TTC38: variants seen among roughly 807,000 people sequenced by gnomAD.
TTC38 encodes tetratricopeptide repeat domain 38.
Under a neutral mutation model 64.2 loss-of-function variants are expected in TTC38, and 64 were observed. The observed-to-expected ratio is 1.00, with a 90% confidence interval of 0.81 to 1.23. TTC38 has a LOEUF of 1.23. Ranked by LOEUF, TTC38 falls within the 50% of genes most tolerant of loss-of-function variation. The pLI, the probability that TTC38 is intolerant of heterozygous loss-of-function variation, is 0.00. For missense variants in TTC38, 573 were observed against 615.5 expected (o/e 0.93, Z 0.73); for synonymous variants, 254 against 249.3 (o/e 1.02, Z -0.18).
Position 46,292,228 on chromosome 22 carries a change from G to T in TTC38, c.1317-563G>T, listed in dbSNP as rs1327805766. On this transcript the variant is annotated intron_variant, in intron 13 of 13. Coordinates refer to ENST00000381031, the MANE Select transcript of TTC38 (RefSeq NM_017931.4). The surrounding 1 kb of genome is among the most constrained non-coding windows in gnomAD (Gnocchi z 6.5). ...AGGCAAGGTCTCACTCGGTCATCCA[G>T]GTTGGAATGCAGTGGTGTGATCACA... 1.3e-5 allele frequency: 6 copies of T among 447,822 alleles called. No individual in the cohort carries two copies. In the Admixed American group the frequency reaches 1.4e-4, roughly 11 times the overall value. 27.7% of individuals were successfully genotyped at this position (447,822 alleles called of 1,614,324 possible). A position where few individuals can be genotyped will look rare whatever the true frequency, so the allele number is the denominator to read the frequency against.
At chr22:46,283,811 CACT>C (rs2077551514) in intron 7 of TTC38, among the ~76,000 whole-genome samples, 159 bp from the exon 8 acceptor site, 1 of 127,284 alleles carries the variant, frequency 7.9e-6, no homozygotes, top group African/African-American at 3.1e-5. Context: ...AAGATCGTGT[CACT>C]ACACTCCAGC....
At position 46,293,928 on chromosome 22, in the gene TTC38, C is replaced by T. The variant is rs1786990170; in HGVS notation, c.*1044C>T. ...AGGCCTCTCAGAAGGGAGAGGAGGC[C>T]TCCAAATCTATTGAGTCCCCACAGT... On this transcript the variant is annotated 3_prime_UTR_variant, in exon 14 of 14. Coordinates refer to ENST00000381031, the MANE Select transcript of TTC38 (RefSeq NM_017931.4). The surrounding 1 kb of genome is among the most constrained non-coding windows in gnomAD (Gnocchi z 6.6). 3 of 152,240 alleles carry T rather than the reference C, an allele frequency of 2.0e-5. No individual in the cohort carries two copies. Among genetic ancestry groups the T allele is most frequent in the Non-Finnish European group, 4.4e-5 (3 of 68,046 alleles). The allele number at this position is 152,240 out of a possible 1,614,324, so 9.4% of individuals were successfully genotyped here.
intron 7 of TTC38, 22 bp from the exon 8 acceptor site, chr22:46,283,951 C>T (rs1334516633): frequency 1.4e-6 from 2 of 1,451,732 alleles, no homozygotes; most frequent in Non-Finnish European, 1.8e-6. Context: ...TTCATAAATT[C>T]TCTTTTTTTT....
At chr22:46,290,162 C>T (rs2077603096) in intron 13 of TTC38, among the ~76,000 whole-genome samples, 1 of 150,448 alleles carries the variant, frequency 6.6e-6, no homozygotes, top group African/African-American at 2.4e-5. Context: ...GGTACGTAAA[C>T]ACGTCCTGCT....
chr22:46,284,729 A>C lies in TTC38; in HGVS notation c.796-512A>C, dbSNP rs185969821. On this transcript the variant is annotated intron_variant, in intron 8 of 13. Transcript: ENST00000381031. ...CCCCATCTCTACTAAAAATACAAAAATTAGCCGGGCATGGTGGCGCCTCCC... is the reference window on the plus strand; with the variant it reads ...CCCCATCTCTACTAAAAATACAAAACTTAGCCGGGCATGGTGGCGCCTCCC... 1.6e-3 allele frequency among the ~76,000 whole-genome samples: 246 copies of C among 152,074 alleles called. 7 individuals carry two copies. The East Asian group carries it at 0.042, about 26-fold the overall frequency.
chr22:46,288,621 C>A, intron 11 of TTC38, 33 bp downstream of exon 11: 1 of 1,605,038 alleles, frequency 6.2e-7, no homozygotes, highest in Non-Finnish European at 8.5e-7. Context: ...GGTGGGGGTC[C>A]TCACCCTGCC....
At chr22:46,284,576 A>G (rs1601880306) in intron 8 of TTC38, among the ~76,000 whole-genome samples, 1 of 152,174 alleles carries the variant, frequency 6.6e-6, no homozygotes, top group African/African-American at 2.4e-5. Flanking sequence ...GAGAGGAAAC[A>G]TATGCAGAAA....
Position 46,271,302 on chromosome 22 carries a change from G to A in TTC38, c.112-1033G>A, listed in dbSNP as rs909064990. Among the ~76,000 whole-genome samples the A allele has an allele frequency of 2.0e-5, 3 of 149,492 alleles. No homozygotes were observed. The highest frequency in any genetic ancestry group is 2.0e-4 in the East Asian group (1 of 5,016). ...GTCGCCCAGGCTGGAGTGCAGTGGC[G>A]CCTGGGTTCACGCCATTCTCCTGCC... On this transcript the variant is annotated intron_variant, in intron 2 of 13. Coordinates refer to ENST00000381031, the MANE Select transcript of TTC38 (RefSeq NM_017931.4). The surrounding 1 kb of genome is among the most constrained non-coding windows in gnomAD (Gnocchi z 5.5).
At chr22:46,278,508 T>C (rs961837272) in intron 5 of TTC38, 78 bp from the exon 6 acceptor site, 16 of 1,229,036 alleles carry the variant, frequency 1.3e-5, no homozygotes, top group Middle Eastern at 1.9e-4. Flanking sequence ...AGGACCTCAG[T>C]GTATCTTTGC....
chr22:46,281,883 C>T lies in TTC38; in HGVS notation c.735+165C>T. 1.1e-6 allele frequency: 1 copy of T among 930,182 alleles called. No homozygotes were observed. The highest frequency in any genetic ancestry group is 1.7e-6 in the Non-Finnish European group (1 of 598,490). 57.6% of individuals were successfully genotyped at this position (930,182 alleles called of 1,614,324 possible). A position where few individuals can be genotyped will look rare whatever the true frequency, so the allele number is the denominator to read the frequency against. On this transcript the variant is annotated intron_variant, in intron 7 of 13. Coordinates refer to ENST00000381031, the MANE Select transcript of TTC38 (RefSeq NM_017931.4). This position sits in a 1 kb window ranked among gnomAD's most constrained non-coding sequence, Gnocchi z 5.2. ...AGGTGTTTGGCTGCTGAGCAGAATG[C>T]AATCAAGATTCCAGTCCCCACCCCA...
At chr22:46,278,111 A>G (rs1228878086) in intron 5 of TTC38, among the ~76,000 whole-genome samples, 1 of 152,206 alleles carries the variant, frequency 6.6e-6, no homozygotes. Flanking sequence ...AGGTTGCATC[A>G]GTCTCCTGCG....
intron 9 of TTC38, 110 bp from the exon 10 acceptor site, chr22:46,286,963 G>A: frequency 1.3e-6 from 1 of 767,392 alleles, no homozygotes; most frequent in Non-Finnish European, 2.1e-6. Context: ...GTGGCAGAGG[G>A]CTTGCTCTAT....
rs2077493806 is a variant in TTC38, at chr22:46,276,848, T to C, written c.539+1427T>C. On this transcript the variant is annotated intron_variant, in intron 5 of 13. Transcript: ENST00000381031. The surrounding 1 kb of genome is among the most constrained non-coding windows in gnomAD (Gnocchi z 4.7). Reference sequence around the variant, plus strand: ...AAATATATATATATATATAAACATATATATATATAAAAAATACTTTCACCG... The same window carrying C: ...AAATATATATATATATATAAACATACATATATATAAAAAATACTTTCACCG... Among the ~76,000 whole-genome samples the C allele has an allele frequency of 7.0e-6, 1 of 141,984 alleles. No homozygotes were observed. 93.1% of individuals were successfully genotyped at this position (141,984 alleles called of 152,430 possible).
Position 46,292,797 on chromosome 22 carries a change from T to C in TTC38, c.1323T>C (p.Leu441=). Residue 441 remains leucine, a synonymous_variant, in exon 14 of 14, where the codon CTT becomes CTC. Coordinates refer to ENST00000381031, the MANE Select transcript of TTC38 (RefSeq NM_017931.4). This position sits in a 1 kb window ranked among gnomAD's most constrained non-coding sequence, Gnocchi z 6.5. The part of the protein sequence containing the change: ...SSVHKNVARS[L]LMERDALKPN... ...TCTGTGTCTGTTTCCACAGGAGCCT[T>C]CTGATGGAGCGTGATGCCTTGAAGC... The C allele has an allele frequency of 1.2e-6, 2 of 1,613,776 alleles. No homozygotes were observed. Among genetic ancestry groups the C allele is most frequent in the Non-Finnish European group, 8.5e-7 (1 of 1,179,718 alleles).
rs2077536808 is a variant in TTC38 at position 46,281,723 on chromosome 22, G to A, written c.735+5G>A. On this transcript the variant is annotated splice_donor_5th_base_variant and intron_variant, in intron 7 of 13. Transcript: ENST00000381031. The surrounding 1 kb of genome is among the most constrained non-coding windows in gnomAD (Gnocchi z 5.2). ...CACTCAGAGACCTTCTGGAAGGTAT[G>A]ATGCTTGTCAATGGGTCACCTCCCT... 6.2e-7 allele frequency: 1 copy of A among 1,613,602 alleles called. No homozygotes were observed. The highest frequency in any genetic ancestry group is 1.1e-5 in the South Asian group (1 of 91,086).
rs541093385 is a variant in TTC38, at chr22:46,288,414, T to A, written c.917-9T>A. On this transcript the variant is annotated splice_polypyrimidine_tract_variant and intron_variant, in intron 10 of 13. Transcript: ENST00000381031. ...CTCCAGGCCCTGGGTCTCCTCCCCA[T>A]GTCCTCAGGAGTGTCTGTGGGCCAG... 1 of 1,611,704 alleles carries A rather than the reference T, an allele frequency of 6.2e-7. No homozygotes were observed.
At position 46,278,453 on chromosome 22, in the gene TTC38, A is replaced by T. The variant is rs1429822094; in HGVS notation, c.540-133A>T. On this transcript the variant is annotated intron_variant, in intron 5 of 13. Transcript: ENST00000381031. ...CTCCTCTAAACTTATTACCTCTGCA[A>T]AGACCCTATTTCCAAAAAAGGTCAC... 1.1e-5 allele frequency: 8 copies of T among 727,966 alleles called. No homozygotes were observed. In the African/African-American group the frequency reaches 1.4e-4, roughly 13 times the overall value. The allele number at this position is 727,966 out of a possible 1,614,324, so 45.1% of individuals were successfully genotyped here.
At chr22:46,290,583 TAGG>T (rs66702225) in intron 13 of TTC38, among the ~76,000 whole-genome samples, 8,078 of 128,318 alleles carry the variant, frequency 0.063, 863 homozygotes, top group African/African-American at 0.24. Context: ...GGGTGAGTGT[TAGG>T]AGGGTGGCGT....
At position 46,281,586 on chromosome 22, in the gene TTC38, GC is replaced by G; in HGVS notation, c.616-12del. On this transcript the variant is annotated splice_polypyrimidine_tract_variant and intron_variant, in intron 6 of 13. Transcript: ENST00000381031. The surrounding 1 kb of genome is among the most constrained non-coding windows in gnomAD (Gnocchi z 5.2). ...TGCTTTATCTGGAATCCTCTTCCCC[GC>G]ACCCTGCGTAGGCTTTATCTATTAA... The G allele has an allele frequency of 1.3e-6, 2 of 1,599,338 alleles. No homozygotes were observed.
Sources: gnomAD v4.1 joint callset for allele counts (sites outside exome capture counted in the v4.1 genomes callset) on GRCh38, gnomAD v4.1.1 for gene constraint, Gnocchi (gnomAD v3.1) non-coding constraint, MANE v1.5 for transcripts, NCBI Gene and HGNC (gene_info 2026-07-23, HGNC 2026-07-21) for gene names.